Variants in RALYL observed in about 807,000 individuals in gnomAD.
RALYL encodes RALY RNA binding protein like.
RALYL carries 29 observed loss-of-function variants against 35.1 expected under a neutral mutation model. The observed-to-expected ratio is 0.83, with a 90% CI of 0.61 to 1.13. The LOEUF (loss-of-function observed/expected upper bound fraction) is 1.13. RALYL is among the 50% of genes most tolerant of loss of function. The pLI is 0.00. For missense variants in RALYL, 359 were observed against 360.4 expected, an observed-to-expected ratio of 1.00 and a Z score of 0.03; for synonymous variants, 120 against 127.6, an observed-to-expected ratio of 0.94 and a Z score of 0.40.
intron 2 of RALYL, among the ~76,000 whole-genome samples, chr8:84,766,247 C>A (rs1343344408): frequency 6.6e-6 from 1 of 152,038 alleles, no homozygotes; most frequent in Non-Finnish European, 1.5e-5. Flanking sequence ...TCCAAAATAT[C>A]CTAAATTCAT....
At chr8:84,826,422 T>G (rs1281492005) in intron 4 of RALYL, among the ~76,000 whole-genome samples, 1 of 152,102 alleles carries the variant, frequency 6.6e-6, no homozygotes, top group Non-Finnish European at 1.5e-5. Context: ...TAACATAAGT[T>G]CCTAATACTC....
chr8:84,404,981 A>G (rs1330296797), intron 1 of RALYL, among the ~76,000 whole-genome samples: 1 of 152,202 alleles, frequency 6.6e-6, no homozygotes, highest in Non-Finnish European at 1.5e-5. Context: ...ATTCTTCATC[A>G]AATGCAAAAG....
chr8:84,820,028 T>G (rs1402973541), intron 4 of RALYL, among the ~76,000 whole-genome samples: 1 of 152,060 alleles, frequency 6.6e-6, no homozygotes, highest in Non-Finnish European at 1.5e-5. Context: ...ATTATAGAAT[T>G]TAAAAAATCA....
intron 2 of RALYL, among the ~76,000 whole-genome samples, chr8:84,537,657 T>G (rs1299624706): frequency 6.6e-6 from 1 of 152,184 alleles, no homozygotes; most frequent in Non-Finnish European, 1.5e-5. Flanking sequence ...GTAATGTTTT[T>G]TATTTATATA....
At chr8:84,645,393 T>G (rs1348621513) in intron 2 of RALYL, among the ~76,000 whole-genome samples, 1 of 151,902 alleles carries the variant, frequency 6.6e-6, no homozygotes, top group Non-Finnish European at 1.5e-5. Flanking sequence ...ATCTTAATTT[T>G]TCTGTTTCTG....
intron 2 of RALYL, among the ~76,000 whole-genome samples, chr8:84,756,622 C>T (rs1811472191): frequency 1.3e-5 from 2 of 152,228 alleles, no homozygotes; most frequent in Non-Finnish European, 2.9e-5. Context: ...TACAACGTCA[C>T]CTGCTGATCC....
chr8:84,889,082 T>C (rs576129256), intron 8 of RALYL, among the ~76,000 whole-genome samples: 1 of 152,312 alleles, frequency 6.6e-6, no homozygotes, highest in South Asian at 2.1e-4. Flanking sequence ...AAATATGAAC[T>C]TTTAACAACC....
intron 8 of RALYL, among the ~76,000 whole-genome samples, chr8:84,889,539 C>A (rs1195180006): frequency 6.6e-6 from 1 of 152,064 alleles, no homozygotes; most frequent in Non-Finnish European, 1.5e-5. Flanking sequence ...TGTCTTAGGC[C>A]ATCTTCTCTT....
chr8:84,297,507 T>A (rs1344031979), intron 1 of RALYL, among the ~76,000 whole-genome samples: 1 of 152,134 alleles, frequency 6.6e-6, no homozygotes, highest in Non-Finnish European at 1.5e-5. Context: ...AGTGGTGCTG[T>A]AATGAACATG....
intron 1 of RALYL, among the ~76,000 whole-genome samples, chr8:84,190,481 G>A (rs1813592477): frequency 6.6e-6 from 1 of 152,204 alleles, no homozygotes. Context: ...GAATGCACAT[G>A]ATGAGATGGA....
intron 2 of RALYL, among the ~76,000 whole-genome samples, chr8:84,606,873 T>C (rs554341061): frequency 6.6e-5 from 10 of 152,238 alleles, no homozygotes; most frequent in African/African-American, 2.4e-4. Flanking sequence ...GAGGAAAGAT[T>C]TGGAGTCATA....
Position 84,529,311 on chromosome 8 carries a change from G to C in RALYL, c.-11G>C. The C allele has an allele frequency of 6.4e-7, 1 of 1,562,024 alleles. No homozygotes were observed. The highest frequency in any genetic ancestry group is 1.2e-5 in the South Asian group (1 of 85,450). ...TTGTTTGTTTAAGGATTAAAGCAAGGAGAGCCAATCATGACTGGCAAAACA... is the reference window on the plus strand; with the variant it reads ...TTGTTTGTTTAAGGATTAAAGCAAGCAGAGCCAATCATGACTGGCAAAACA... On this transcript the variant is annotated 5_prime_UTR_variant, in exon 2 of 9. Coordinates refer to ENST00000521268, the MANE Select transcript of RALYL (RefSeq NM_173848.7).
At chr8:84,340,616 C>T (rs889106353) in intron 1 of RALYL, among the ~76,000 whole-genome samples, 1 of 152,070 alleles carries the variant, frequency 6.6e-6, no homozygotes, top group African/African-American at 2.4e-5. Flanking sequence ...GCAGGATTCC[C>T]CTCCTTTTTA....
intron 1 of RALYL, among the ~76,000 whole-genome samples, chr8:84,350,691 C>T (rs185878272): frequency 6.0e-5 from 9 of 150,174 alleles, no homozygotes; most frequent in Admixed American, 1.3e-4. Flanking sequence ...ATTATTGGGA[C>T]AATACTGCCA....
intron 4 of RALYL, among the ~76,000 whole-genome samples, chr8:84,842,032 ACACC>A (rs1228331858): frequency 6.6e-6 from 1 of 152,222 alleles, no homozygotes; most frequent in African/African-American, 2.4e-5. Context: ...TCTAAAATTG[ACACC>A]CTAACATCAC....
chr8:84,602,428 A>G (rs2130762774), intron 2 of RALYL, among the ~76,000 whole-genome samples: 2 of 152,164 alleles, frequency 1.3e-5, no homozygotes, highest in South Asian at 4.1e-4. Context: ...CTTTTGCAGT[A>G]TTTCTCATCT....
intron 2 of RALYL, among the ~76,000 whole-genome samples, chr8:84,704,480 C>CACACACACACACACACACA (rs145150857): frequency 2.4e-4 from 34 of 139,580 alleles, no homozygotes; most frequent in Non-Finnish European, 3.7e-4. Context: ...CACACACACA[C>CACACACACACACACACACA]ACAACAACTC....
intron 1 of RALYL, among the ~76,000 whole-genome samples, chr8:84,428,106 T>TCACA (rs869249552): frequency 0.062 from 7,932 of 127,082 alleles, 312 homozygotes; most frequent in Non-Finnish European, 0.087. Context: ...TCTCTCTCTC[T>TCACA]CACACACACA....
At chr8:84,279,801 G>A (rs1585888663) in intron 1 of RALYL, among the ~76,000 whole-genome samples, 1 of 152,172 alleles carries the variant, frequency 6.6e-6, no homozygotes, top group East Asian at 1.9e-4. Flanking sequence ...CCCTCTTACA[G>A]GGACTCTTGT....
Sources: gnomAD v4.1 joint callset for allele counts (sites outside exome capture counted in the v4.1 genomes callset) on GRCh38, gnomAD v4.1.1 for gene constraint, MANE v1.5 for transcripts, NCBI Gene and HGNC (gene_info 2026-07-23, HGNC 2026-07-21) for gene names.